The following PTPRG variants were observed in gnomAD, a reference collection of about 807,000 sequenced individuals.
PTPRG encodes receptor-type tyrosine-protein phosphatase gamma.
In PTPRG, 102 loss-of-function variants were observed where a neutral mutation model predicts 165.3. That is an observed-to-expected ratio of 0.62 (90% confidence interval 0.53 to 0.73). The LOEUF (loss-of-function observed/expected upper bound fraction) is 0.73. PTPRG is among the 30% of genes least tolerant of loss of function. PTPRG has a pLI of 0.00. For synonymous variants in PTPRG, 675 were observed against 669.5 expected (o/e 1.01, Z -0.13); for missense variants, 1,866 against 1,861.4 (o/e 1.00, Z -0.05).
chr3:61,680,311 T>G (rs1703387640), intron 1 of PTPRG, among the ~76,000 whole-genome samples: 1 of 151,550 alleles, frequency 6.6e-6, no homozygotes, highest in East Asian at 1.9e-4. Flanking sequence ...GGAAGCAGGG[T>G]AGGTGGAGGT....
At chr3:61,905,793 A>G (rs1260287009) in intron 2 of PTPRG, among the ~76,000 whole-genome samples, 1 of 152,204 alleles carries the variant, frequency 6.6e-6, no homozygotes, top group Non-Finnish European at 1.5e-5. Context: ...AGTCAAAAAT[A>G]AAAGCAAGGG....
chr3:62,006,018 T>G (rs567562195), intron 4 of PTPRG, among the ~76,000 whole-genome samples: 12 of 152,172 alleles, frequency 7.9e-5, no homozygotes, highest in Non-Finnish European at 1.3e-4. Context: ...TTAATATTCT[T>G]TTGAAACCTA....
chr3:61,811,485 G>A (rs2035574933), intron 2 of PTPRG, among the ~76,000 whole-genome samples: 1 of 152,096 alleles, frequency 6.6e-6, no homozygotes, highest in African/African-American at 2.4e-5. Context: ...TCTGCTCTTT[G>A]GCCAGAAAAC....
At chr3:62,156,130 CT>C (rs1464884244) in intron 6 of PTPRG, among the ~76,000 whole-genome samples, 2 of 152,254 alleles carry the variant, frequency 1.3e-5, no homozygotes, top group Non-Finnish European at 2.9e-5. Flanking sequence ...GACACTATTC[CT>C]TCCTGTCCCA....
intron 4 of PTPRG, among the ~76,000 whole-genome samples, chr3:62,009,670 G>C (rs1261116701): frequency 6.6e-6 from 1 of 152,090 alleles, no homozygotes; most frequent in Admixed American, 6.5e-5. Flanking sequence ...TGTGTTCCTT[G>C]TCTCTGGTAA....
In PTPRG at chr3:61,562,027, T is replaced by G; in HGVS notation, c.-261T>G. On this transcript the variant is annotated 5_prime_UTR_variant, in exon 1 of 30. Coordinates refer to ENST00000474889, the MANE Select transcript of PTPRG (RefSeq NM_002841.4). ...CGCCCTGCCCGATCGGCTCTCTCCT[T>G]TTTAAACGGAAAGCAGCCTTTCTCC... 9.3e-6 allele frequency: 4 copies of G among 429,278 alleles called. No individual in the cohort carries two copies. Among genetic ancestry groups the G allele is most frequent in the East Asian group, 8.6e-5 (2 of 23,178 alleles). 26.6% of individuals were successfully genotyped at this position (429,278 alleles called of 1,614,324 possible).
At chr3:61,719,257 G>A (rs1030500604) in intron 1 of PTPRG, among the ~76,000 whole-genome samples, 46 of 152,216 alleles carry the variant, frequency 3.0e-4, no homozygotes, top group African/African-American at 1.1e-3. Context: ...TTTCTATGAA[G>A]ATGTAATCGA....
intron 1 of PTPRG, among the ~76,000 whole-genome samples, chr3:61,565,163 GA>G: frequency 6.6e-6 from 1 of 152,116 alleles, no homozygotes; most frequent in Non-Finnish European, 1.5e-5. Context: ...CAGGGTTTTG[GA>G]AACACAGCCC....
intron 1 of PTPRG, among the ~76,000 whole-genome samples, chr3:61,686,732 C>A (rs1703644307): frequency 6.6e-6 from 1 of 152,078 alleles, no homozygotes; most frequent in South Asian, 2.1e-4. Flanking sequence ...GAAGCATTGC[C>A]CTATGAACAG....
At position 62,294,507 on chromosome 3, in the gene PTPRG, G is replaced by C. The variant is rs1338553024; in HGVS notation, c.*1200G>C. ...CACATTTTCAAGTTTTTAAAAGAGG[G>C]AGATGGCTTTGTATGCTTTTGTGTA... On this transcript the variant is annotated 3_prime_UTR_variant, in exon 30 of 30. Transcript: ENST00000474889. The C allele has an allele frequency of 6.6e-6, 1 of 152,082 alleles. No homozygotes were observed. The highest frequency in any genetic ancestry group is 2.4e-5 in the African/African-American group (1 of 41,412). The allele number at this position is 152,082 out of a possible 1,614,324, so 9.4% of individuals were successfully genotyped here.
intron 2 of PTPRG, among the ~76,000 whole-genome samples, chr3:61,962,122 A>G (rs1056296878): frequency 1.3e-5 from 2 of 152,146 alleles, no homozygotes; most frequent in African/African-American, 4.8e-5. Flanking sequence ...CCTTAAGCTC[A>G]CTTAAGTCCC....
chr3:62,126,298 T>G (rs1408759006), intron 5 of PTPRG, among the ~76,000 whole-genome samples: 1 of 152,144 alleles, frequency 6.6e-6, no homozygotes, highest in Non-Finnish European at 1.5e-5. Context: ...AGCACAAAAT[T>G]CATTTCCTCA....
At chr3:61,974,495 G>C (rs1020395474) in intron 2 of PTPRG, among the ~76,000 whole-genome samples, 2 of 152,120 alleles carry the variant, frequency 1.3e-5, no homozygotes, top group Non-Finnish European at 2.9e-5. Context: ...AGAGGTTGCA[G>C]TGAGCCAAGA....
intron 4 of PTPRG, among the ~76,000 whole-genome samples, chr3:62,038,426 C>A (rs776740929): frequency 5.3e-5 from 8 of 152,180 alleles, no homozygotes; most frequent in Non-Finnish European, 1.2e-4. Flanking sequence ...GAGACAGGGT[C>A]TTGCTCTGTC....
At chr3:61,896,599 T>G (rs1382974858) in intron 2 of PTPRG, among the ~76,000 whole-genome samples, 1 of 152,222 alleles carries the variant, frequency 6.6e-6, no homozygotes. Flanking sequence ...TGTGTGGTAG[T>G]TACGTATGCA....
chr3:62,146,630 T>TAAA (rs879570594), intron 6 of PTPRG, among the ~76,000 whole-genome samples: 6,739 of 134,928 alleles, frequency 0.05, 481 homozygotes, highest in African/African-American at 0.17. Context: ...CCTGTTGCTT[T>TAAA]TAAAAAAAAA....
At chr3:62,091,935 T>G (rs1012419326) in intron 5 of PTPRG, among the ~76,000 whole-genome samples, 3 of 152,050 alleles carry the variant, frequency 2.0e-5, no homozygotes, top group African/African-American at 7.2e-5. Context: ...TTCTCTTGCC[T>G]TCTTTGTTCA....
At chr3:61,977,950 A>G (rs2040547329) in intron 2 of PTPRG, among the ~76,000 whole-genome samples, 1 of 152,178 alleles carries the variant, frequency 6.6e-6, no homozygotes, top group Non-Finnish European at 1.5e-5. Flanking sequence ...TTTTCCCCCA[A>G]TGAATTCCAG....
intron 1 of PTPRG, among the ~76,000 whole-genome samples, chr3:61,748,590 CTTGGTGGTGTT>C (rs2033302442): frequency 6.6e-6 from 1 of 152,122 alleles, no homozygotes; most frequent in South Asian, 2.1e-4. Context: ...GTTTGTACTG[CTTGGTGGTGTT>C]TTGCAAATCA....
Sources: gnomAD v4.1 joint callset for allele counts (sites outside exome capture counted in the v4.1 genomes callset) on GRCh38, gnomAD v4.1.1 for gene constraint, MANE v1.5 for transcripts, NCBI Gene and HGNC (gene_info 2026-07-23, HGNC 2026-07-21) for gene names.